CACNA1H: variants seen among roughly 807,000 people sequenced by gnomAD.
CACNA1H encodes voltage-dependent T-type calcium channel subunit alpha-1H.
A neutral mutation model predicts 192.5 loss-of-function variants in CACNA1H; 149 were observed. That is an observed-to-expected ratio of 0.77 (90% CI 0.68 to 0.89). CACNA1H has a LOEUF of 0.89. Ranked by LOEUF, CACNA1H falls within the 40% of genes least tolerant of loss-of-function variation. The probability of loss-of-function intolerance (pLI) is 0.00; values close to 1 mark genes in which losing one functional copy is unlikely to be tolerated. For missense variants in CACNA1H, 4,257 were observed against 3,423.5 expected, an observed-to-expected ratio of 1.24 and a Z score of -6.08; for synonymous variants, 2,202 against 1,475.2, an observed-to-expected ratio of 1.49 and a Z score of -11.29.
chr16:1,196,781 C>T (rs565721682), intron 5 of CACNA1H, among the ~76,000 whole-genome samples: 1 of 152,178 alleles, frequency 6.6e-6, no homozygotes, highest in East Asian at 1.9e-4. Flanking sequence ...TGGGAAACAT[C>T]CTGTCAAATC....
In CACNA1H at chr16:1,195,207, A is replaced by ATCAGGGCAAGGT. The variant is rs1371063685; in HGVS notation, c.411+131_411+132insAAGGTTCAGGGC. ...GGCGTGGAGTGGGTCAGGGTCGGGG[A>ATCAGGGCAAGGT]TCAGGGCGAGGTTCACGGCGGGGCG... On this transcript the variant is annotated intron_variant, in intron 3 of 34. Transcript: ENST00000348261. The ATCAGGGCAAGGT allele has an allele frequency of 9.0e-5, 68 of 752,134 alleles. No individual in the cohort carries two copies. In the African/African-American group the frequency reaches 1.2e-3, roughly 14 times the overall value. The allele number at this position is 752,134 out of a possible 1,614,324, so 46.6% of individuals were successfully genotyped here. A position where few individuals can be genotyped will look rare whatever the true frequency, so the allele number is the denominator to read the frequency against.
At chr16:1,218,854 G>A (rs578120925) in intron 33 of CACNA1H, 116 bp from the exon 34 acceptor site, 23 of 1,241,736 alleles carry the variant, frequency 1.9e-5, no homozygotes, top group South Asian at 8.5e-5. Context: ...AGGACGGGTC[G>A]GGCTGGGGCT....
At position 1,220,989 on chromosome 16, in the gene CACNA1H, G is replaced by A. The variant is rs150601404; in HGVS notation, c.7057G>A (p.Val2353Met). ...PAPGGGADDP[V>M] ...CCCAGGGGGTGGTGCAGATGACCCC[G>A]TGTAGCTCGGGGCTTGGTGCCGCCC... Residue 2353 changes from valine (V) to methionine (M), a missense_variant, in exon 35 of 35, where the codon GTG (valine) becomes ATG (methionine). Coordinates refer to ENST00000348261, the MANE Select transcript of CACNA1H (RefSeq NM_021098.3). 1.5e-4 allele frequency: 236 copies of A among 1,574,402 alleles called. No individual in the cohort carries two copies. The highest frequency in any genetic ancestry group is 1.2e-3 in the African/African-American group (88 of 73,214).
At chr16:1,217,240 G>A (rs1453841259) in intron 31 of CACNA1H, among the ~76,000 whole-genome samples, 6 of 152,370 alleles carry the variant, frequency 3.9e-5, no homozygotes, top group African/African-American at 7.2e-5. Context: ...GTGTGCGGAC[G>A]TGCACACAGC....
At chr16:1,183,881 AG>A (rs1965723297) in intron 2 of CACNA1H, among the ~76,000 whole-genome samples, 1 of 152,246 alleles carries the variant, frequency 6.6e-6, no homozygotes, top group Admixed American at 6.5e-5. Context: ...TCGCCACTGC[AG>A]AGGGAGACTG....
At position 1,213,795 on chromosome 16, in the gene CACNA1H, C is replaced by T; in HGVS notation, c.4793C>T (p.Pro1598Leu). Residue 1598 changes from proline to leucine, a missense_variant, in exon 27 of 35, where the codon CCC becomes CTC. By Grantham distance (98) the Pro-to-Leu change is moderately conservative. Coordinates refer to ENST00000348261, the MANE Select transcript of CACNA1H (RefSeq NM_021098.3). The stretch of plus-strand genomic sequence containing the variant: ...CTCCCCGCAGAGGCCCAGCGCCGGC[C>T]CTACTATGCCGACTACTCGCCCACG... Reference protein sequence around the residue: ...TFPSPEAQRRPYYADYSPTRR... With the variant: ...TFPSPEAQRRLYYADYSPTRR... The T allele has an allele frequency of 6.4e-7, 1 of 1,567,040 alleles. No individual in the cohort carries two copies. The highest frequency in any genetic ancestry group is 8.6e-7 in the Non-Finnish European group (1 of 1,158,472).
Position 1,198,906 on chromosome 16 carries a change from C to G in CACNA1H, c.803+132C>G, listed in dbSNP as rs954159051. 101 of 804,784 alleles carry G rather than the reference C, an allele frequency of 1.3e-4. No homozygotes were observed. In the African/African-American group the frequency reaches 1.3e-3, roughly 11 times the overall value. 49.9% of individuals were successfully genotyped at this position (804,784 alleles called of 1,614,324 possible). ...AGTCACCCGCCCCGCCACTGCTGTC[C>G]CCGTCATGGCTCCGTCCACCATGCT... On this transcript the variant is annotated intron_variant, in intron 6 of 34. Coordinates refer to ENST00000348261, the MANE Select transcript of CACNA1H (RefSeq NM_021098.3).
Position 1,217,964 on chromosome 16 carries a change from C to A in CACNA1H, c.5369C>A (p.Thr1790Asn). Residue 1790 changes from threonine (T) to asparagine (N), a missense_variant, in exon 32 of 35, where the codon ACC becomes AAC. Transcript: ENST00000348261. ...TGCGAGGGCCTGAGCAGGCACGCCA[C>A]CTTCAGCAACTTCGGCATGGCCTTC... ...NPCEGLSRHA[T>N]FSNFGMAFLT... 1 of 1,605,608 alleles carries A rather than the reference C, an allele frequency of 6.2e-7. No homozygotes were observed. Among genetic ancestry groups the A allele is most frequent in the Non-Finnish European group, 8.5e-7 (1 of 1,176,814 alleles).
chr16:1,171,649 C>T (rs1298630578), intron 2 of CACNA1H, among the ~76,000 whole-genome samples: 1 of 152,148 alleles, frequency 6.6e-6, no homozygotes, highest in Non-Finnish European at 1.5e-5. Flanking sequence ...TTGCCAAGGC[C>T]GCCTGGGGGC....
chr16:1,196,034 G>T lies in CACNA1H; in HGVS notation c.643+11G>T. The T allele has an allele frequency of 6.2e-7, 1 of 1,606,478 alleles. No individual in the cohort carries two copies. The highest frequency in any genetic ancestry group is 1.1e-5 in the South Asian group (1 of 90,946). ...TCAACCGCGTGCCTAGTAAGTGACCGGCCCCGACTGGGCTTGAGATCAACA... is the reference window on the plus strand; with the variant it reads ...TCAACCGCGTGCCTAGTAAGTGACCTGCCCCGACTGGGCTTGAGATCAACA... On this transcript the variant is annotated intron_variant, in intron 5 of 34. Transcript: ENST00000348261.
intron 5 of CACNA1H, among the ~76,000 whole-genome samples, chr16:1,196,522 T>C (rs572136006): frequency 1.3e-5 from 2 of 152,178 alleles, no homozygotes; most frequent in South Asian, 4.1e-4. Context: ...CACCCGCCAC[T>C]GCTTCTGGCC....
At chr16:1,206,735 C>T (rs1197696504) in intron 12 of CACNA1H, 2 of 488,110 alleles carry the variant, frequency 4.1e-6, no homozygotes, top group East Asian at 3.5e-5. Flanking sequence ...AGTTGCCACC[C>T]AAATCCAGAG....
rs759655303 is a variant in CACNA1H, at chr16:1,204,164, T to C, written c.2157T>C (p.Ser719=). 5 of 1,612,190 alleles carry C rather than the reference T, an allele frequency of 3.1e-6. No homozygotes were observed. The highest frequency in any genetic ancestry group is 2.2e-5 in the South Asian group (2 of 91,052). ...AGGGTGAGCTCAGCGGCTCGGAAAGTGGAGACTCAGATGGCCGTGGCGTCT... is the reference window on the plus strand; with the variant it reads ...AGGGTGAGCTCAGCGGCTCGGAAAGCGGAGACTCAGATGGCCGTGGCGTCT... ...DPEGELSGSE[S]GDSDGRGVYE... The change falls in exon 10 of 35, where the codon AGT becomes AGC. Residue 719 remains serine (S), a synonymous_variant. Coordinates refer to ENST00000348261, the MANE Select transcript of CACNA1H (RefSeq NM_021098.3).
At position 1,204,060 on chromosome 16, in the gene CACNA1H, C is replaced by T; in HGVS notation, c.2053C>T (p.Leu685=). ...HLSGLSVPCP[L]PSPPAGTLTC... ...GTCGGGCCTCAGTGTGCCCTGCCCCCTGCCCAGCCCCCCAGCGGGCACACT... is the reference window on the plus strand; with the variant it reads ...GTCGGGCCTCAGTGTGCCCTGCCCCTTGCCCAGCCCCCCAGCGGGCACACT... Residue 685 remains leucine (L), a synonymous_variant, in exon 10 of 35, where the codon CTG becomes TTG. Coordinates refer to ENST00000348261, the MANE Select transcript of CACNA1H (RefSeq NM_021098.3). 2 of 1,596,702 alleles carry T rather than the reference C, an allele frequency of 1.3e-6. No homozygotes were observed. Among genetic ancestry groups the T allele is most frequent in the Non-Finnish European group, 1.7e-6 (2 of 1,172,604 alleles).
Position 1,180,497 on chromosome 16 carries a change from T to C in CACNA1H, c.300-14475T>C, listed in dbSNP as rs1202339458. Among the ~76,000 whole-genome samples, 6 of 152,062 alleles carry C rather than the reference T, an allele frequency of 3.9e-5. No homozygotes were observed. Among genetic ancestry groups the C allele is most frequent in the Admixed American group, 1.3e-4 (2 of 15,280 alleles). ...GGGTGGGCCTGTGTCCTGGTGTCCCTGGCGTCCCCATACCCCCTCCGAGGC... is the reference window on the plus strand; with the variant it reads ...GGGTGGGCCTGTGTCCTGGTGTCCCCGGCGTCCCCATACCCCCTCCGAGGC... On this transcript the variant is annotated intron_variant, in intron 2 of 34. Coordinates refer to ENST00000348261, the MANE Select transcript of CACNA1H (RefSeq NM_021098.3). This position sits in a 1 kb window ranked among gnomAD's most constrained non-coding sequence, Gnocchi z 4.4.
chr16:1,189,719 A>G (rs989570019), intron 2 of CACNA1H, among the ~76,000 whole-genome samples: 25 of 152,206 alleles, frequency 1.6e-4, no homozygotes, highest in African/African-American at 5.1e-4. Context: ...CACCGGGCCC[A>G]GCCTGAGAGC....
intron 26 of CACNA1H, among the ~76,000 whole-genome samples, chr16:1,212,859 C>T (rs550508337): frequency 3.3e-5 from 5 of 152,362 alleles, no homozygotes; most frequent in South Asian, 2.1e-4. Context: ...GGGCCCTCTC[C>T]GGCTGCCCGG....
chr16:1,153,758 C>T lies in CACNA1H; in HGVS notation c.21C>T (p.Ala7=), dbSNP rs904297221. The change falls in exon 2 of 35, where the codon GCC becomes GCT. Residue 7 remains alanine (A), a synonymous_variant. Transcript: ENST00000348261. ...CCACCATGACCGAGGGCGCACGGGCCGCCGACGAGGTCCGGGTGCCCCTGG... is the reference window on the plus strand; with the variant it reads ...CCACCATGACCGAGGGCGCACGGGCTGCCGACGAGGTCCGGGTGCCCCTGG... The part of the protein sequence containing the change: MTEGAR[A]ADEVRVPLGA... The T allele has an allele frequency of 1.8e-5, 22 of 1,214,612 alleles. No individual in the cohort carries two copies. The African/African-American group carries it at 2.9e-4, about 16-fold the overall frequency. 75.2% of individuals were successfully genotyped at this position (1,214,612 alleles called of 1,614,324 possible).
At position 1,215,324 on chromosome 16, in the gene CACNA1H, C is replaced by T; in HGVS notation, c.5122C>T (p.Pro1708Ser). The T allele has an allele frequency of 6.2e-7, 1 of 1,611,704 alleles. No homozygotes were observed. The highest frequency in any genetic ancestry group is 8.5e-7 in the Non-Finnish European group (1 of 1,179,354). ...GGAGATAGAGATGAGCGCCGCGCTGCCCATCAACCCCACCATCATCCGCAT... is the reference window on the plus strand; with the variant it reads ...GGAGATAGAGATGAGCGCCGCGCTGTCCATCAACCCCACCATCATCCGCAT... ...LEEIEMSAALPINPTIIRIMR... is the reference protein window; with the variant it reads ...LEEIEMSAALSINPTIIRIMR... Residue 1708 changes from proline (P) to serine (S), a missense_variant, in exon 29 of 35, where the codon CCC becomes TCC. Transcript: ENST00000348261.
Sources: allele counts gnomAD v4.1 joint callset (sites outside exome capture counted in the v4.1 genomes callset), GRCh38; gene constraint gnomAD v4.1.1; non-coding constraint Gnocchi (gnomAD v3.1); transcripts MANE v1.5; gene names NCBI Gene and HGNC (gene_info 2026-07-23, HGNC 2026-07-21).